Variants in CTR9 observed in about 807,000 individuals in gnomAD.
CTR9 encodes CTR9 component of Paf1/RNA polymerase II complex.
A neutral mutation model predicts 152.1 loss-of-function variants in CTR9; 41 were observed. The observed-to-expected ratio is 0.27, with a 90% CI of 0.21 to 0.35. The LOEUF (loss-of-function observed/expected upper bound fraction) is 0.35, where lower values mean the gene tolerates loss of function less well. CTR9 is among the 10% of genes least tolerant of loss of function. The probability of loss-of-function intolerance (pLI) is 1.00; values close to 1 mark genes in which losing one functional copy is unlikely to be tolerated. For missense variants in CTR9, 917 were observed against 1,424.4 expected (o/e 0.64, Z 5.73); for synonymous variants, 476 against 496.2 (o/e 0.96, Z 0.54).
rs1452820978 is a variant in CTR9 at position 10,761,267 on chromosome 11, A to G, written c.742-680A>G. ...GAAAAGATTATCTGGACTGGTGTAG[A>G]TCAATCATGATTCATCCCCCGGGCC... On this transcript the variant is annotated intron_variant, in intron 6 of 24. Transcript: ENST00000361367. 2.0e-5 allele frequency among the ~76,000 whole-genome samples: 3 copies of G among 152,166 alleles called. No homozygotes were observed. In the South Asian group the frequency reaches 6.2e-4, roughly 32 times the overall value.
At chr11:10,752,529 A>G (rs547193282) in intron 1 of CTR9, 143 bp from the exon 2 acceptor site, 5 of 613,246 alleles carry the variant, frequency 8.2e-6, no homozygotes, top group East Asian at 2.8e-5. Context: ...CTCCTTAAAC[A>G]TTAACATGGA....
chr11:10,761,228 A>T (rs994861782), intron 6 of CTR9, among the ~76,000 whole-genome samples: 7 of 152,166 alleles, frequency 4.6e-5, no homozygotes, highest in Non-Finnish European at 1.0e-4. Context: ...GAGAACCACT[A>T]CCTTAGGCCA....
intron 23 of CTR9, 49 bp downstream of exon 23, chr11:10,775,352 T>C: frequency 1.3e-6 from 2 of 1,506,392 alleles, no homozygotes; most frequent in Non-Finnish European, 1.8e-6. Flanking sequence ...ATGTGAAAGA[T>C]TGCAGTACAC....
At position 10,760,235 on chromosome 11, in the gene CTR9, C is replaced by T; in HGVS notation, c.655C>T (p.Leu219=). The change falls in exon 6 of 25, where the codon CTG becomes TTG. Residue 219 remains leucine, a synonymous_variant. Transcript: ENST00000361367. ...ACTTAACAAACTGGAAAAAGCTCGT[C>T]TGGCATTCAGCAGAGCCCTGGAACT... ...VKLNKLEKAR[L]AFSRALELNS... 1 of 1,614,092 alleles carries T rather than the reference C, an allele frequency of 6.2e-7. No homozygotes were observed. The highest frequency in any genetic ancestry group is 8.5e-7 in the Non-Finnish European group (1 of 1,179,976).
chr11:10,753,612 T>G (rs961534838), intron 2 of CTR9, among the ~76,000 whole-genome samples: 12 of 151,474 alleles, frequency 7.9e-5, no homozygotes, highest in African/African-American at 2.7e-4. Context: ...ACTTTTCTTA[T>G]TCCATGGAGA....
rs1260083120 is a variant in CTR9, at chr11:10,767,929, A to G, written c.1810A>G (p.Met604Val). The change falls in exon 14 of 25, where the codon ATG (methionine) becomes GTG (valine). Residue 604 changes from methionine to valine, a missense_variant. Around this residue, in one of 9 missense-constraint regions of CTR9, gnomAD observed 87 missense variants for 235.7 expected, o/e 0.37. Transcript: ENST00000361367. The surrounding 1 kb of genome is among the most constrained non-coding windows in gnomAD (Gnocchi z 4.0). ...ATCCACACAGAGTGATACCTATTCT[A>G]TGCTAGCCCTTGGCAACGTGTGGCT... is the stretch of plus-strand genomic sequence containing the variant. ...QPSTQSDTYS[M>V]LALGNVWLQT... The G allele has an allele frequency of 1.9e-6, 3 of 1,614,162 alleles. No homozygotes were observed. The highest frequency in any genetic ancestry group is 2.5e-6 in the Non-Finnish European group (3 of 1,180,008).
intron 24 of CTR9, among the ~76,000 whole-genome samples, chr11:10,778,228 T>A (rs1264443928): frequency 6.6e-6 from 1 of 152,228 alleles, no homozygotes; most frequent in Non-Finnish European, 1.5e-5. Flanking sequence ...CAGGGAAATG[T>A]CCTTTGAAAC....
Position 10,767,983 on chromosome 11 carries a change from C to A in CTR9, c.1864C>A (p.Arg622=), listed in dbSNP as rs1314433915. Residue 622 remains arginine, a synonymous_variant, in exon 14 of 25, where the codon CGA becomes AGA. Coordinates refer to ENST00000361367, the MANE Select transcript of CTR9 (RefSeq NM_014633.5). The surrounding 1 kb of genome is among the most constrained non-coding windows in gnomAD (Gnocchi z 4.0). ...AACTTTACATCAGCCCACCCGAGAT[C>A]GAGAAAAGGTAATCTCTTTTTGTCC... ...LQTLHQPTRD[R]EKEKRHQDRA... 6.2e-7 allele frequency: 1 copy of A among 1,613,726 alleles called. No individual in the cohort carries two copies. The highest frequency in any genetic ancestry group is 8.5e-7 in the Non-Finnish European group (1 of 1,179,772).
Position 10,767,837 on chromosome 11 carries a change from A to T in CTR9, c.1718A>T (p.Asn573Ile). 1 of 1,614,070 alleles carries T rather than the reference A, an allele frequency of 6.2e-7. No homozygotes were observed. Among genetic ancestry groups the T allele is most frequent in the Non-Finnish European group, 8.5e-7 (1 of 1,179,978 alleles). Residue 573 changes from asparagine (N) to isoleucine (I), a missense_variant, in exon 14 of 25, where the codon AAT (asparagine) becomes ATT (isoleucine). Asn to Ile is a moderately radical substitution (Grantham distance 149). Coordinates refer to ENST00000361367, the MANE Select transcript of CTR9 (RefSeq NM_014633.5). This position sits in a 1 kb window ranked among gnomAD's most constrained non-coding sequence, Gnocchi z 4.0. ...CCAGATGCTTGGTCTTTGATTGGCA[A>T]TCTTCATTTGGCAAAACAAGAATGG... ...DHPDAWSLIG[N>I]LHLAKQEWGP...
At chr11:10,754,859 T>C (rs567545609) in intron 2 of CTR9, 99 bp from the exon 3 acceptor site, 1 of 1,264,914 alleles carries the variant, frequency 7.9e-7, no homozygotes, top group Non-Finnish European at 1.1e-6. Context: ...TTGTTTCCAG[T>C]TTTTTGTTAT....
chr11:10,766,046 G>A (rs949436614), intron 12 of CTR9, among the ~76,000 whole-genome samples: 12 of 152,100 alleles, frequency 7.9e-5, no homozygotes, highest in African/African-American at 2.9e-4. Context: ...CGTATTACAA[G>A]CAGCTTTTTT....
chr11:10,777,424 A>G (rs61871741), intron 24 of CTR9, among the ~76,000 whole-genome samples: 70,223 of 152,058 alleles, frequency 0.46, 18,090 homozygotes, highest in South Asian at 0.61. Context: ...AAAGATTTGC[A>G]GTTCCCTTTT....
Position 10,763,728 on chromosome 11 carries a change from G to A in CTR9, c.1043G>A (p.Gly348Glu). ...TTTGTGCTCCCATTTTTTGGTTTGG[G>A]ACAAATGTATATTTATCGAGGTGAC... The part of the protein sequence containing the change: ...SSFVLPFFGL[G>E]QMYIYRGDKE... Residue 348 changes from glycine (G) to glutamate (E), a missense_variant, in exon 9 of 25, where the codon GGA becomes GAA. Gly to Glu is a moderately conservative substitution (Grantham distance 98). Around this residue, in one of 9 missense-constraint regions of CTR9, gnomAD observed 133 missense variants for 244.1 expected, o/e 0.54. Coordinates refer to ENST00000361367, the MANE Select transcript of CTR9 (RefSeq NM_014633.5). 1 of 1,613,704 alleles carries A rather than the reference G, an allele frequency of 6.2e-7. No individual in the cohort carries two copies. The highest frequency in any genetic ancestry group is 8.5e-7 in the Non-Finnish European group (1 of 1,179,922).
Position 10,778,665 on chromosome 11 carries a change from A to G in CTR9, c.3096-14A>G. ...CAGAATCCTCAGCTTCTAACCAATG[A>G]TCATCTTTGCCAGACATCCCAGGAA... On this transcript the variant is annotated splice_polypyrimidine_tract_variant and intron_variant, in intron 24 of 24. Transcript: ENST00000361367. 1 of 1,603,036 alleles carries G rather than the reference A, an allele frequency of 6.2e-7. No homozygotes were observed. The highest frequency in any genetic ancestry group is 8.5e-7 in the Non-Finnish European group (1 of 1,171,606).
At chr11:10,762,203 G>T (rs2135365820) in intron 7 of CTR9, 149 bp downstream of exon 7, 3 of 597,234 alleles carry the variant, frequency 5.0e-6, no homozygotes, top group South Asian at 4.3e-5. Context: ...AGTTACCTGG[G>T]GGTACCTACA....
intron 23 of CTR9, 27 bp downstream of exon 23, chr11:10,775,330 G>A (rs1863215228): frequency 6.3e-7 from 1 of 1,585,898 alleles, no homozygotes; most frequent in Non-Finnish European, 8.7e-7. Context: ...GTGTTTTTCT[G>A]TCCCCTAGTA....
chr11:10,770,676 C>G, intron 18 of CTR9, 44 bp downstream of exon 18: 3 of 1,563,742 alleles, frequency 1.9e-6, no homozygotes, highest in South Asian at 1.2e-5. Flanking sequence ...TTTATTTGGT[C>G]TATGACCATA....
At position 10,772,673 on chromosome 11, in the gene CTR9, G is replaced by A; in HGVS notation, c.2580+18G>A. 2 of 1,577,204 alleles carry A rather than the reference G, an allele frequency of 1.3e-6. No individual in the cohort carries two copies. Among genetic ancestry groups the A allele is most frequent in the African/African-American group, 2.8e-5 (2 of 72,570 alleles). Reference sequence around the variant, plus strand: ...AAGAACAGGTATCTTGTATTTTCCAGTTATACTGGAATTAATGAATTGTGT... The same window carrying A: ...AAGAACAGGTATCTTGTATTTTCCAATTATACTGGAATTAATGAATTGTGT... On this transcript the variant is annotated intron_variant, in intron 20 of 24. Transcript: ENST00000361367.
chr11:10,760,554 C>A (rs1862959995), intron 6 of CTR9, among the ~76,000 whole-genome samples: 1 of 149,952 alleles, frequency 6.7e-6, no homozygotes, highest in Non-Finnish European at 1.5e-5. Flanking sequence ...GGTTACAATT[C>A]AGGTAGTATT....
Sources: gnomAD v4.1 joint callset for allele counts (sites outside exome capture counted in the v4.1 genomes callset) on GRCh38, gnomAD v4.1.1 for gene constraint, gnomAD v4.1.1 regional missense constraint, Gnocchi (gnomAD v3.1) non-coding constraint, MANE v1.5 for transcripts, NCBI Gene and HGNC (gene_info 2026-07-23, HGNC 2026-07-21) for gene names.